CDH4: variants seen among roughly 807,000 people sequenced by gnomAD.
CDH4 encodes cadherin-4.
Under a neutral mutation model 86.0 loss-of-function variants are expected in CDH4, and 33 were observed. That is an observed-to-expected ratio of 0.38 (90% CI 0.29 to 0.51). The LOEUF (loss-of-function observed/expected upper bound fraction) is 0.51, where lower values mean the gene tolerates loss of function less well. Ranked by LOEUF, CDH4 falls within the 20% of genes least tolerant of loss-of-function variation. The pLI, the probability that CDH4 is intolerant of heterozygous loss-of-function variation, is 0.86. For synonymous variants in CDH4, 555 were observed against 549.4 expected, an observed-to-expected ratio of 1.01 and a Z score of -0.14; for missense variants, 1,114 against 1,307.4, an observed-to-expected ratio of 0.85 and a Z score of 2.28.
intron 2 of CDH4, among the ~76,000 whole-genome samples, chr20:61,725,675 G>A (rs993976839): frequency 3.9e-5 from 6 of 152,106 alleles, no homozygotes; most frequent in East Asian, 1.9e-4. Flanking sequence ...CTGGACGCCC[G>A]TCAAGAGTCG....
chr20:61,895,179 C>G (rs1210179326), intron 8 of CDH4, 132 bp downstream of exon 8: 1 of 1,109,876 alleles, frequency 9.0e-7, no homozygotes, highest in African/African-American at 1.6e-5. Flanking sequence ...AAGAAAGGCC[C>G]TGGGCAGCGG....
chr20:61,565,338 T>TGGTGGCGGTGCTCTTGGTG lies in CDH4; in HGVS notation c.170-178225_170-178224insGGTGGCGGTGCTCTTGGTG. Among the ~76,000 whole-genome samples the TGGTGGCGGTGCTCTTGGTG allele has an allele frequency of 7.5e-5, 3 of 40,138 alleles. 1 individual carries two copies. The East Asian group carries it at 3.3e-3, about 45-fold the overall frequency. 26.3% of individuals were successfully genotyped at this position (40,138 alleles called of 152,430 possible). A position where few individuals can be genotyped will look rare whatever the true frequency, so the allele number is the denominator to read the frequency against. The stretch of plus-strand genomic sequence containing the variant: ...GTGGCGGTGCTCTTGGTGATGGTGG[T>TGGTGGCGGTGCTCTTGGTG]AGTGGTCCTCTTGGTGATGGGGTGA... On this transcript the variant is annotated intron_variant, in intron 2 of 15. Transcript: ENST00000614565.
At chr20:61,351,027 G>T (rs2084708853) in intron 2 of CDH4, among the ~76,000 whole-genome samples, 1 of 152,134 alleles carries the variant, frequency 6.6e-6, no homozygotes, top group Non-Finnish European at 1.5e-5. Flanking sequence ...GGTGGTGCTG[G>T]GGTGGCAGCT....
At chr20:61,394,114 A>G (rs1398791778) in intron 2 of CDH4, among the ~76,000 whole-genome samples, 1 of 152,060 alleles carries the variant, frequency 6.6e-6, no homozygotes, top group Non-Finnish European at 1.5e-5. Flanking sequence ...GCTTTGGAGG[A>G]TTTGTAGGTG....
At chr20:61,488,417 G>A (rs1393880982) in intron 2 of CDH4, among the ~76,000 whole-genome samples, 1 of 152,214 alleles carries the variant, frequency 6.6e-6, no homozygotes, top group African/African-American at 2.4e-5. Context: ...CGGGTCCCCT[G>A]TGGAATGATC....
At chr20:61,731,025 G>C (rs1600923624) in intron 2 of CDH4, among the ~76,000 whole-genome samples, 1 of 152,076 alleles carries the variant, frequency 6.6e-6, no homozygotes. Context: ...GGCAGCAAGG[G>C]TGTGCTGTGT....
intron 2 of CDH4, among the ~76,000 whole-genome samples, chr20:61,603,246 G>A (rs903603559): frequency 6.6e-6 from 1 of 152,190 alleles, no homozygotes; most frequent in African/African-American, 2.4e-5. Flanking sequence ...GACAGATAGG[G>A]AAGTCAAGTC....
intron 2 of CDH4, among the ~76,000 whole-genome samples, chr20:61,391,517 G>A (rs573176065): frequency 6.1e-4 from 92 of 149,818 alleles, no homozygotes; most frequent in African/African-American, 2.0e-3. Context: ...CACGTGTGGC[G>A]TAAGGGGCTC....
intron 2 of CDH4, among the ~76,000 whole-genome samples, chr20:61,656,722 C>T (rs1317874315): frequency 6.6e-6 from 1 of 152,196 alleles, no homozygotes; most frequent in Admixed American, 6.5e-5. Context: ...ATCTCTCCTC[C>T]CAGGATCGTC....
At chr20:61,765,942 A>G (rs1288947976) in intron 3 of CDH4, among the ~76,000 whole-genome samples, 1 of 151,924 alleles carries the variant, frequency 6.6e-6, no homozygotes, top group East Asian at 1.9e-4. Flanking sequence ...CCGGACTCTG[A>G]TTGGCCAGCT....
At chr20:61,915,358 C>A (rs887253579) in intron 9 of CDH4, among the ~76,000 whole-genome samples, 1 of 152,218 alleles carries the variant, frequency 6.6e-6, no homozygotes, top group African/African-American at 2.4e-5. Context: ...GGCATCCTGG[C>A]AAGGCCAGAT....
chr20:61,499,615 T>C, intron 2 of CDH4: 1 of 882,034 alleles, frequency 1.1e-6, no homozygotes, highest in Non-Finnish European at 1.6e-6. Flanking sequence ...CAAGCCAGAA[T>C]TTAGACCTCA....
rs1980431129 is a variant in CDH4 at position 61,811,460 on chromosome 20, T to C, written c.577-33208T>C. On this transcript the variant is annotated intron_variant, in intron 4 of 15. Transcript: ENST00000614565. This position sits in a 1 kb window ranked among gnomAD's most constrained non-coding sequence, Gnocchi z 4.4. ...AAAAAACAGCAGACATCTATCTGTA[T>C]GCTTTTGCCATGAGGAAAGGAAGCT... Among the ~76,000 whole-genome samples the C allele has an allele frequency of 6.6e-6, 1 of 152,222 alleles. No individual in the cohort carries two copies. Among genetic ancestry groups the C allele is most frequent in the Non-Finnish European group, 1.5e-5 (1 of 68,046 alleles).
intron 2 of CDH4, among the ~76,000 whole-genome samples, chr20:61,357,135 A>G (rs935563817): frequency 2.0e-5 from 3 of 152,186 alleles, no homozygotes; most frequent in South Asian, 2.1e-4. Flanking sequence ...CCATCTTGGG[A>G]ATACACTGCT....
At chr20:61,579,988 C>T (rs1358963477) in intron 2 of CDH4, among the ~76,000 whole-genome samples, 1 of 151,982 alleles carries the variant, frequency 6.6e-6, no homozygotes, top group Non-Finnish European at 1.5e-5. Flanking sequence ...GCACTTGAGG[C>T]GCATCCAGCA....
chr20:61,338,646 A>T (rs1184148856), intron 2 of CDH4, among the ~76,000 whole-genome samples: 1 of 152,186 alleles, frequency 6.6e-6, no homozygotes, highest in Non-Finnish European at 1.5e-5. Flanking sequence ...TCCCTGACTG[A>T]CCATTACTGT....
intron 2 of CDH4, among the ~76,000 whole-genome samples, chr20:61,465,796 CAT>C (rs1405958996): frequency 2.6e-5 from 4 of 151,724 alleles, no homozygotes; most frequent in African/African-American, 9.7e-5. Context: ...TGTTAGAAAT[CAT>C]AAACCAGAAG....
intron 3 of CDH4, among the ~76,000 whole-genome samples, chr20:61,759,762 C>G (rs17810680): frequency 1.3e-5 from 2 of 152,018 alleles, no homozygotes. Context: ...GCAAGTTGTT[C>G]TCAGCCAGGG....
intron 2 of CDH4, among the ~76,000 whole-genome samples, chr20:61,553,318 G>A (rs999406912): frequency 2.6e-5 from 4 of 152,214 alleles, no homozygotes; most frequent in African/African-American, 9.6e-5. Context: ...TGGGTGCAGG[G>A]TTTCTTTTGG....
Sources: gnomAD v4.1 joint callset for allele counts (sites outside exome capture counted in the v4.1 genomes callset) on GRCh38, gnomAD v4.1.1 for gene constraint, Gnocchi (gnomAD v3.1) non-coding constraint, MANE v1.5 for transcripts, NCBI Gene and HGNC (gene_info 2026-07-23, HGNC 2026-07-21) for gene names.